Variants in MYT1L observed in about 807,000 individuals in gnomAD.
The protein encoded by MYT1L is myelin transcription factor 1-like protein.
In MYT1L, 12 loss-of-function variants were observed where a neutral mutation model predicts 126.7. That is an observed-to-expected ratio of 0.09 (90% CI 0.06 to 0.15). MYT1L has a LOEUF of 0.15. Ranked by LOEUF, MYT1L falls within the 10% of genes least tolerant of loss-of-function variation. MYT1L has a pLI of 1.00. For missense variants in MYT1L, 979 were observed against 1,585.2 expected, an observed-to-expected ratio of 0.62 and a Z score of 6.49; for synonymous variants, 541 against 604.2, an observed-to-expected ratio of 0.90 and a Z score of 1.53.
intron 3 of MYT1L, among the ~76,000 whole-genome samples, chr2:2,146,185 T>G (rs2084850548): frequency 6.6e-6 from 1 of 152,208 alleles, no homozygotes; most frequent in Non-Finnish European, 1.5e-5. Context: ...GTTTACAAAA[T>G]ATTAATATTA....
intron 2 of MYT1L, among the ~76,000 whole-genome samples, chr2:2,221,456 G>T (rs1202106095): frequency 6.6e-6 from 1 of 152,110 alleles, no homozygotes; most frequent in Admixed American, 6.5e-5. Flanking sequence ...TGGGGACTGG[G>T]ATATCTCAAA....
At chr2:1,995,708 T>A (rs918913647) in intron 5 of MYT1L, among the ~76,000 whole-genome samples, 3 of 152,126 alleles carry the variant, frequency 2.0e-5, no homozygotes, top group African/African-American at 4.8e-5. Context: ...GTGATGGGCG[T>A]GGGACCAGCT....
intron 4 of MYT1L, among the ~76,000 whole-genome samples, chr2:2,013,514 G>A (rs1266428947): frequency 6.6e-6 from 1 of 152,200 alleles, no homozygotes; most frequent in Non-Finnish European, 1.5e-5. Context: ...CCTGGAACCG[G>A]AGGCTCATGG....
chr2:1,879,606 C>CA (rs1048028162), intron 18 of MYT1L, among the ~76,000 whole-genome samples: 3 of 152,004 alleles, frequency 2.0e-5, no homozygotes, highest in Admixed American at 6.6e-5. Context: ...CAAAAAATAA[C>CA]AAAAAATGTG....
rs2031732487 is a variant in MYT1L, at chr2:1,789,851, A to C, written c.*2016T>G. ...GCGCTGTACAGAGAAGGTTCCGCAG[A>C]GCCCCGAAATAATTACATCGTCTTT... On this transcript the variant is annotated 3_prime_UTR_variant, in exon 25 of 25. Transcript: ENST00000647738. The C allele has an allele frequency of 6.6e-6, 1 of 152,252 alleles. No homozygotes were observed. Among genetic ancestry groups the C allele is most frequent in the African/African-American group, 2.4e-5 (1 of 41,480 alleles). 9.4% of individuals were successfully genotyped at this position (152,252 alleles called of 1,614,324 possible). A position where few individuals can be genotyped will look rare whatever the true frequency, so the allele number is the denominator to read the frequency against.
intron 3 of MYT1L, among the ~76,000 whole-genome samples, chr2:2,098,526 T>C (rs909255827): frequency 6.6e-6 from 1 of 152,156 alleles, no homozygotes; most frequent in Non-Finnish European, 1.5e-5. Flanking sequence ...CAGAGAGGAT[T>C]TGGCAATGTC....
At chr2:1,877,166 C>T (rs1375831765) in intron 18 of MYT1L, among the ~76,000 whole-genome samples, 3 of 152,310 alleles carry the variant, frequency 2.0e-5, no homozygotes, top group African/African-American at 7.2e-5. Flanking sequence ...GAGGAAGGAG[C>T]CCTCATGGAG....
intron 8 of MYT1L, among the ~76,000 whole-genome samples, chr2:1,948,119 G>A (rs1333686207): frequency 6.6e-6 from 1 of 152,194 alleles, no homozygotes; most frequent in Non-Finnish European, 1.5e-5. Context: ...ACTTTCTGAT[G>A]AAGTGTACGT....
At chr2:2,319,760 T>C (rs757329290) in intron 1 of MYT1L, among the ~76,000 whole-genome samples, 1 of 89,186 alleles carries the variant, frequency 1.1e-5, no homozygotes, top group African/African-American at 5.4e-5. Context: ...GAAATATGCA[T>C]ATATATATAT....
chr2:2,001,512 G>T (rs935862345), intron 4 of MYT1L, among the ~76,000 whole-genome samples: 5 of 152,214 alleles, frequency 3.3e-5, no homozygotes, highest in Non-Finnish European at 7.3e-5. Context: ...ATAGAGTGAA[G>T]AAATAAAGGA....
At chr2:2,312,171 C>T (rs1559639296) in intron 1 of MYT1L, among the ~76,000 whole-genome samples, 2 of 152,302 alleles carry the variant, frequency 1.3e-5, no homozygotes, top group South Asian at 4.1e-4. Context: ...GGCCAGCCCT[C>T]CCCATTCTGT....
intron 18 of MYT1L, among the ~76,000 whole-genome samples, chr2:1,880,183 G>A (rs1350601637): frequency 2.6e-5 from 4 of 152,090 alleles, no homozygotes; most frequent in Admixed American, 6.5e-5. Context: ...TCAAGAAGCC[G>A]GTAAATATGG....
intron 3 of MYT1L, among the ~76,000 whole-genome samples, chr2:2,130,752 A>G (rs2082264893): frequency 6.6e-6 from 1 of 152,212 alleles, no homozygotes; most frequent in African/African-American, 2.4e-5. Context: ...TGCTTTTGTG[A>G]GTGGATACAA....
chr2:1,952,259 T>C (rs1282252361), intron 8 of MYT1L, among the ~76,000 whole-genome samples: 1 of 152,224 alleles, frequency 6.6e-6, no homozygotes, highest in East Asian at 1.9e-4. Context: ...TCACTTTAAA[T>C]GATGTAGCCA....
intron 1 of MYT1L, among the ~76,000 whole-genome samples, chr2:2,309,275 A>C (rs565519529): frequency 6.6e-6 from 1 of 151,404 alleles, no homozygotes; most frequent in East Asian, 2.0e-4. Flanking sequence ...CTCCATCTAC[A>C]CTTCAGTATA....
chr2:1,792,113 A>G, intron 24 of MYT1L, 106 bp from the exon 25 acceptor site: 1 of 1,199,318 alleles, frequency 8.3e-7, no homozygotes, highest in Non-Finnish European at 1.1e-6. Flanking sequence ...GTTTTATACT[A>G]TTTCAAAGGC....
intron 2 of MYT1L, among the ~76,000 whole-genome samples, chr2:2,270,836 G>C (rs1427748176): frequency 6.6e-6 from 1 of 152,088 alleles, no homozygotes; most frequent in African/African-American, 2.4e-5. Context: ...CACCGAGACT[G>C]AGCAAAGCAG....
intron 4 of MYT1L, among the ~76,000 whole-genome samples, chr2:2,030,681 A>G (rs1269533819): frequency 1.3e-5 from 2 of 152,198 alleles, no homozygotes; most frequent in Non-Finnish European, 1.5e-5. Flanking sequence ...AAGAGTGACA[A>G]ATGCAGTTTT....
At position 2,185,925 on chromosome 2, in the gene MYT1L, G is replaced by A. The variant is rs569207213; in HGVS notation, c.-420-12937C>T. Among the ~76,000 whole-genome samples, 150 of 123,736 alleles carry A rather than the reference G, an allele frequency of 1.2e-3. 1 individual carries two copies. Among genetic ancestry groups the A allele is most frequent in the Middle Eastern group, 6.1e-3 (1 of 164 alleles). 81.2% of individuals were successfully genotyped at this position (123,736 alleles called of 152,430 possible). On this transcript the variant is annotated intron_variant, in intron 2 of 24. Transcript: ENST00000647738. ...CCTTCCGGGCCTTCCCAAGTCCCGC[G>A]TTCCTTCTGTGAGGCGGACGCAGCC... is the stretch of plus-strand genomic sequence containing the variant.
Sources: gnomAD v4.1 joint callset for allele counts (sites outside exome capture counted in the v4.1 genomes callset) on GRCh38, gnomAD v4.1.1 for gene constraint, MANE v1.5 for transcripts, NCBI Gene and HGNC (gene_info 2026-07-23, HGNC 2026-07-21) for gene names.